ETAA1: variants seen among roughly 807,000 people sequenced by gnomAD.
ETAA1 encodes ETAA1 activator of ATR kinase.
A neutral mutation model predicts 76.8 loss-of-function variants in ETAA1; 49 were observed. The observed-to-expected ratio is 0.64, with a 90% CI of 0.51 to 0.81. The LOEUF (loss-of-function observed/expected upper bound fraction) is 0.81, where lower values mean the gene tolerates loss of function less well. Among genes scored for constraint, ETAA1 ranks in the 30% least tolerant of loss-of-function variants. ETAA1 has a pLI of 0.00. For missense variants in ETAA1, 1,099 were observed against 1,074.0 expected, an observed-to-expected ratio of 1.02 and a Z score of -0.32; for synonymous variants, 373 against 372.2, an observed-to-expected ratio of 1.00 and a Z score of -0.03.
At position 67,397,445 on chromosome 2, in the gene ETAA1, G is replaced by A; in HGVS notation, c.-4G>A. On this transcript the variant is annotated 5_prime_UTR_variant, in exon 1 of 6. Coordinates refer to ENST00000272342, the MANE Select transcript of ETAA1 (RefSeq NM_019002.4). ...AAGCGGCTGGTGGAGGCGGGCCATAGGCAATGAGTCGGCGAAGGAAACATG... is the reference window on the plus strand; with the variant it reads ...AAGCGGCTGGTGGAGGCGGGCCATAAGCAATGAGTCGGCGAAGGAAACATG... 1 of 1,587,950 alleles carries A rather than the reference G, an allele frequency of 6.3e-7. No individual in the cohort carries two copies. The highest frequency in any genetic ancestry group is 2.3e-5 in the East Asian group (1 of 43,586).
At chr2:67,406,561 G>C (rs558890554) in intron 5 of ETAA1, among the ~76,000 whole-genome samples, 37 of 152,150 alleles carry the variant, frequency 2.4e-4, no homozygotes, top group African/African-American at 8.9e-4. Context: ...TAATATGCTA[G>C]TTATTTAAAA....
chr2:67,399,301 A>AT lies in ETAA1; in HGVS notation c.352+6dup. 1 of 1,599,936 alleles carries AT rather than the reference A, an allele frequency of 6.3e-7. No individual in the cohort carries two copies. Among genetic ancestry groups the AT allele is most frequent in the Non-Finnish European group, 8.5e-7 (1 of 1,173,280 alleles). ...TCTCCATTGACAAAGCAGTTAGGTA[A>AT]TTAATTATTAACATTTTTTATGTGA... is the stretch of plus-strand genomic sequence containing the variant. On this transcript the variant is annotated splice_donor_region_variant and intron_variant, in intron 2 of 5. Transcript: ENST00000272342.
chr2:67,409,055 C>A (rs915328136), intron 5 of ETAA1, among the ~76,000 whole-genome samples: 2 of 151,882 alleles, frequency 1.3e-5, no homozygotes, highest in Non-Finnish European at 2.9e-5. Context: ...CTGAATACCC[C>A]CTCCCATTTC....
intron 5 of ETAA1, among the ~76,000 whole-genome samples, chr2:67,406,878 A>AT (rs1676235747): frequency 6.6e-6 from 1 of 152,070 alleles, no homozygotes; most frequent in Admixed American, 6.6e-5. Flanking sequence ...CCTGTTAATG[A>AT]CTATGTGATA....
intron 5 of ETAA1, among the ~76,000 whole-genome samples, chr2:67,407,005 C>T (rs1178170716): frequency 1.3e-5 from 2 of 151,994 alleles, no homozygotes; most frequent in Non-Finnish European, 2.9e-5. Context: ...TAAATTTCCG[C>T]ATGCTTGTAT....
chr2:67,403,793 A>C lies in ETAA1; in HGVS notation c.1111A>C (p.Ile371Leu), dbSNP rs760261812. Reference sequence around the variant, plus strand: ...GGAGCCAGAAACTTCTAATAAGTACATTGATGCATTTACTACAAGTGATTT... The same window carrying C: ...GGAGCCAGAAACTTCTAATAAGTACCTTGATGCATTTACTACAAGTGATTT... ...TKEPETSNKY[I>L]DAFTTSDFED... The change falls in exon 5 of 6, where the codon ATT (isoleucine) becomes CTT (leucine). Residue 371 changes from isoleucine to leucine, a missense_variant. Ile to Leu is a conservative substitution (Grantham distance 5, BLOSUM62 2). Around this residue, in one of 3 missense-constraint regions of ETAA1, gnomAD observed 761 missense variants for 731.9 expected, o/e 1.04. Transcript: ENST00000272342. 1 of 1,613,370 alleles carries C rather than the reference A, an allele frequency of 6.2e-7. No individual in the cohort carries two copies. Among genetic ancestry groups the C allele is most frequent in the South Asian group, 1.1e-5 (1 of 91,072 alleles).
At chr2:67,401,365 G>A (rs1029418180) in intron 3 of ETAA1, 1 of 151,838 alleles carries the variant, frequency 6.6e-6, no homozygotes, top group Admixed American at 6.6e-5. Context: ...TTCAGAGATA[G>A]CATTTTTTTA....
At chr2:67,409,328 A>G (rs1303708297) in intron 5 of ETAA1, among the ~76,000 whole-genome samples, 2 of 152,036 alleles carry the variant, frequency 1.3e-5, no homozygotes, top group Non-Finnish European at 2.9e-5. Flanking sequence ...AAATAAAAAT[A>G]TAATTTCTGA....
chr2:67,397,542 C>T lies in ETAA1; in HGVS notation c.94C>T (p.Pro32Ser). 6.3e-7 allele frequency: 1 copy of T among 1,582,156 alleles called. No individual in the cohort carries two copies. The highest frequency in any genetic ancestry group is 8.6e-7 in the Non-Finnish European group (1 of 1,164,450). Residue 32 changes from proline to serine, a missense_variant, in exon 1 of 6, where the codon CCA becomes TCA. This residue lies in a region of ETAA1 where 761 missense variants were observed against 731.9 expected (regional missense o/e 1.04). Coordinates refer to ENST00000272342, the MANE Select transcript of ETAA1 (RefSeq NM_019002.4). ...AAEECGSVVE[P>S]GRRRLRSARG... is the part of the protein sequence containing the mutation. ...GGAGGAATGCGGCTCGGTGGTCGAG[C>T]CAGGGAGGAGGCGGCTGAGATCGGC...
At position 67,402,847 on chromosome 2, in the gene ETAA1, C is replaced by T. The variant is rs1169213363; in HGVS notation, c.430-15C>T. 4.5e-6 allele frequency: 7 copies of T among 1,552,610 alleles called. No homozygotes were observed. The Admixed American group carries it at 8.1e-5, about 18-fold the overall frequency. The stretch of plus-strand genomic sequence containing the variant: ...ACTGGTACTTTATACCTCTTTTTTT[C>T]CCTATCTGCCAAAGGATGAAAAACC... On this transcript the variant is annotated splice_polypyrimidine_tract_variant and intron_variant, in intron 3 of 5. Transcript: ENST00000272342.
At chr2:67,407,614 ACTG>A (rs776619791) in intron 5 of ETAA1, among the ~76,000 whole-genome samples, 1 of 152,204 alleles carries the variant, frequency 6.6e-6, no homozygotes, top group East Asian at 1.9e-4. Flanking sequence ...TAAAAACTTA[ACTG>A]CTAATAGCCT....
Position 67,411,042 on chromosome 2 carries a change from C to T in ETAA1, c.*1004C>T, listed in dbSNP as rs1011413665. The T allele has an allele frequency of 4.6e-5, 7 of 151,936 alleles. No homozygotes were observed. The highest frequency in any genetic ancestry group is 1.0e-4 in the Non-Finnish European group (7 of 67,906). 9.4% of individuals were successfully genotyped at this position (151,936 alleles called of 1,614,324 possible). ...AGAATCTTTTTTCTTTTCAGTTTTT[C>T]TGTAACTGTAATTTTCCCCTCAATT... On this transcript the variant is annotated 3_prime_UTR_variant, in exon 6 of 6. Transcript: ENST00000272342.
intron 2 of ETAA1, 52 bp from the exon 3 acceptor site, chr2:67,399,498 A>T: frequency 4.2e-6 from 6 of 1,426,662 alleles, no homozygotes; most frequent in South Asian, 1.2e-5. Flanking sequence ...GCTGTTTTTT[A>T]AAATGGAGGG....
chr2:67,400,206 G>C (rs908249283), intron 3 of ETAA1: 1 of 152,266 alleles, frequency 6.6e-6, no homozygotes, highest in Non-Finnish European at 1.5e-5. Context: ...TGCTCTTGCT[G>C]TCTTCATTGG....
Position 67,404,037 on chromosome 2 carries a change from A to G in ETAA1, c.1355A>G (p.Tyr452Cys), listed in dbSNP as rs770996902. ...KVLQDLSSKT[Y>C]DRELIDAEYR... ...TTACAAGATCTTTCTTCAAAGACAT[A>G]TGACAGAGAATTAATAGATGCAGAA... Residue 452 changes from tyrosine (Y) to cysteine (C), a missense_variant, in exon 5 of 6, where the codon TAT becomes TGT. Physicochemically the swap from Tyr to Cys is radical, Grantham distance 194. Transcript: ENST00000272342. 1.9e-6 allele frequency: 3 copies of G among 1,607,264 alleles called. No individual in the cohort carries two copies. The highest frequency in any genetic ancestry group is 1.1e-5 in the South Asian group (1 of 90,310).
chr2:67,404,553 A>G lies in ETAA1; in HGVS notation c.1871A>G (p.Gln624Arg). 2 of 1,613,448 alleles carry G rather than the reference A, an allele frequency of 1.2e-6. No homozygotes were observed. Among genetic ancestry groups the G allele is most frequent in the South Asian group, 2.2e-5 (2 of 91,070 alleles). ...GATATTGAAAGACTAACTCAGCAAC[A>G]AGACATTAGAAAGGACAGTAAGACA... ...CDDIERLTQQ[Q>R]DIRKDSKTSE... Residue 624 changes from glutamine (Q) to arginine (R), a missense_variant, in exon 5 of 6, where the codon CAA becomes CGA. Around this residue, in one of 3 missense-constraint regions of ETAA1, gnomAD observed 761 missense variants for 731.9 expected, o/e 1.04. Transcript: ENST00000272342.
chr2:67,399,225 A>C lies in ETAA1; in HGVS notation c.280A>C (p.Ser94Arg). The C allele has an allele frequency of 6.2e-7, 1 of 1,613,600 alleles. No individual in the cohort carries two copies. The highest frequency in any genetic ancestry group is 1.1e-5 in the South Asian group (1 of 91,042). Residue 94 changes from serine (S) to arginine (R), a missense_variant, in exon 2 of 6, where the codon AGT (serine) becomes CGT (arginine). Physicochemically the swap from Ser to Arg is moderately radical, Grantham distance 110. This residue lies in a region of ETAA1 where 761 missense variants were observed against 731.9 expected (regional missense o/e 1.04). Transcript: ENST00000272342. ...LKMDSLSSSF[S>R]SPNDPDGQND... ...AATGGACTCACTGTCATCTTCCTTC[A>C]GTTCTCCTAATGATCCAGATGGACA...
In ETAA1 at chr2:67,409,893, CT is replaced by C; in HGVS notation, c.2654-14del. The C allele has an allele frequency of 1.3e-6, 2 of 1,581,684 alleles. No individual in the cohort carries two copies. Among genetic ancestry groups the C allele is most frequent in the Admixed American group, 4.0e-5 (2 of 50,118 alleles). ...TATAGGCTATAAAAGTAAAACTCAT[CT>C]TTTGTTGAATTTTTAGAGGAAGAAG... On this transcript the variant is annotated splice_polypyrimidine_tract_variant and intron_variant, in intron 5 of 5. Transcript: ENST00000272342.
Position 67,399,440 on chromosome 2 carries a change from A to G in ETAA1, c.353-110A>G, listed in dbSNP as rs1572906310. 17 of 1,133,958 alleles carry G rather than the reference A, an allele frequency of 1.5e-5. No individual in the cohort carries two copies. In the Middle Eastern group the frequency reaches 6.7e-4, roughly 45 times the overall value. 70.2% of individuals were successfully genotyped at this position (1,133,958 alleles called of 1,614,324 possible). A position where few individuals can be genotyped will look rare whatever the true frequency, so the allele number is the denominator to read the frequency against. On this transcript the variant is annotated intron_variant, in intron 2 of 5. Transcript: ENST00000272342. ...CTGTATAAGTATGTGATGTAAACAC[A>G]TAATCCTCTAAGCTGCACTAAATAA... is the stretch of plus-strand genomic sequence containing the variant.
Sources: gnomAD v4.1 joint callset for allele counts (sites outside exome capture counted in the v4.1 genomes callset) on GRCh38, gnomAD v4.1.1 for gene constraint, gnomAD v4.1.1 regional missense constraint, MANE v1.5 for transcripts, NCBI Gene and HGNC (gene_info 2026-07-23, HGNC 2026-07-21) for gene names.